The following LTBR variants were observed in gnomAD, a reference collection of about 807,000 sequenced individuals.
LTBR encodes the protein lymphotoxin beta receptor.
LTBR carries 15 observed loss-of-function variants against 45.4 expected under a neutral mutation model. That is an observed-to-expected ratio of 0.33 (90% CI 0.22 to 0.51). LTBR has a LOEUF of 0.51. LTBR is among the 20% of genes least tolerant of loss of function. The probability of loss-of-function intolerance (pLI) is 0.97; values close to 1 mark genes in which losing one functional copy is unlikely to be tolerated. For missense variants in LTBR, 450 were observed against 565.5 expected, an observed-to-expected ratio of 0.80 and a Z score of 2.07; for synonymous variants, 228 against 231.0, an observed-to-expected ratio of 0.99 and a Z score of 0.12.
chr12:6,384,804 G>C (rs1421612808), intron 2 of LTBR, 120 bp downstream of exon 2: 10 of 1,099,490 alleles, frequency 9.1e-6, no homozygotes, highest in Non-Finnish European at 1.3e-5. Context: ...TGCTGGAGAC[G>C]AGCGTGGGAA....
Position 6,390,096 on chromosome 12 carries a change from C to T in LTBR, c.802-16C>T. 1 of 1,581,474 alleles carries T rather than the reference C, an allele frequency of 6.3e-7. No individual in the cohort carries two copies. Among genetic ancestry groups the T allele is most frequent in the Non-Finnish European group, 8.7e-7 (1 of 1,150,584 alleles). ...GGGCCCTCATCATTGTTTGGGTCTCCATCTCTTTCCTGCAGGGAGAGGGAC... is the reference window on the plus strand; with the variant it reads ...GGGCCCTCATCATTGTTTGGGTCTCTATCTCTTTCCTGCAGGGAGAGGGAC... On this transcript the variant is annotated splice_polypyrimidine_tract_variant and intron_variant, in intron 8 of 9. Coordinates refer to ENST00000228918, the MANE Select transcript of LTBR (RefSeq NM_002342.3).
chr12:6,379,226 G>A (rs573877789), upstream of LTBR, among the ~76,000 whole-genome samples: 25 of 152,208 alleles, frequency 1.6e-4, no homozygotes, highest in South Asian at 4.8e-3. Context: ...AGTGTCTAGC[G>A]GTCACTGTTT....
Position 6,388,582 on chromosome 12 carries a change from C to A in LTBR, c.775+77C>A. The A allele has an allele frequency of 7.8e-7, 1 of 1,278,384 alleles. No individual in the cohort carries two copies. Among genetic ancestry groups the A allele is most frequent in the Non-Finnish European group, 1.1e-6 (1 of 880,764 alleles). The allele number at this position is 1,278,384 out of a possible 1,614,324, so 79.2% of individuals were successfully genotyped here. On this transcript the variant is annotated intron_variant, in intron 7 of 9. Coordinates refer to ENST00000228918, the MANE Select transcript of LTBR (RefSeq NM_002342.3). The surrounding 1 kb of genome is among the most constrained non-coding windows in gnomAD (Gnocchi z 4.3). ...GAATATTCAACTTCCCCGGTGCAAC[C>A]CTCCACACCCTCAAGACTCCCAATG...
chr12:6,375,826 G>A (rs1023624342), intron 1 of LTBR: 3 of 1,355,760 alleles, frequency 2.2e-6, no homozygotes, highest in Non-Finnish European at 2.8e-6. Context: ...GGCAACACAA[G>A]GAGAAGGGGC....
At chr12:6,383,656 T>TG (rs1949005351), upstream of LTBR, among the ~76,000 whole-genome samples, 1 of 152,108 alleles carries the variant, frequency 6.6e-6, no homozygotes. Flanking sequence ...GTTGGTAGCG[T>TG]GGGGGGCTGG....
chr12:6,375,376 C>T, upstream of LTBR: 1 of 1,471,318 alleles, frequency 6.8e-7, no homozygotes, highest in Non-Finnish European at 9.0e-7. Context: ...CTGATTCTGT[C>T]TCTGCCCCAG....
intron 1 of LTBR, chr12:6,376,290 G>A (rs1346964034): frequency 1.8e-6 from 1 of 563,594 alleles, no homozygotes; most frequent in African/African-American, 2.0e-5. Flanking sequence ...GAGGGGCCCA[G>A]GTGAAGCTGG....
chr12:6,389,111 T>C (rs931484036), intron 8 of LTBR: 33 of 341,212 alleles, frequency 9.7e-5, no homozygotes, highest in Middle Eastern at 9.2e-4. Context: ...AAGGGGTCAA[T>C]GAGTGACAGT....
rs928232620 is a variant in LTBR at position 6,385,702 on chromosome 12, C to A, written c.472+323C>A. The A allele has an allele frequency of 7.7e-6, 3 of 387,690 alleles. No individual in the cohort carries two copies. The Admixed American group carries it at 1.2e-4, about 16-fold the overall frequency. The allele number at this position is 387,690 out of a possible 1,614,324, so 24.0% of individuals were successfully genotyped here. A position where few individuals can be genotyped will look rare whatever the true frequency, so the allele number is the denominator to read the frequency against. ...TGGGCGGATCACGAGGTCAGGAGAT[C>A]GAGACCATCCTGGCTAACACAGTGA... On this transcript the variant is annotated intron_variant, in intron 4 of 9. Transcript: ENST00000228918.
At chr12:6,380,306 G>A (rs1592095050), upstream of LTBR, among the ~76,000 whole-genome samples, 1 of 152,240 alleles carries the variant, frequency 6.6e-6, no homozygotes, top group Admixed American at 6.5e-5. Context: ...GCACTTCTGG[G>A]TGTTTGCCAG....
At chr12:6,389,005 A>G in intron 8 of LTBR, 180 bp downstream of exon 8, 1 of 638,936 alleles carries the variant, frequency 1.6e-6, no homozygotes. Flanking sequence ...AGCAGTGAGC[A>G]AAACACAGTA....
At chr12:6,384,040 C>T (rs1321871359), upstream of LTBR, 2 of 1,194,050 alleles carry the variant, frequency 1.7e-6, no homozygotes, top group East Asian at 3.5e-5. Context: ...CGTGCTTTCC[C>T]GGCCGCCCCT....
chr12:6,378,892 C>T (rs1226274693), intron 1 of LTBR, among the ~76,000 whole-genome samples: 1 of 152,060 alleles, frequency 6.6e-6, no homozygotes, highest in Non-Finnish European at 1.5e-5. Flanking sequence ...CCAACACCAG[C>T]TATCCTCTAA....
intron 9 of LTBR, 95 bp from the exon 10 acceptor site, chr12:6,390,565 G>C: frequency 7.7e-7 from 1 of 1,304,788 alleles, no homozygotes; most frequent in Non-Finnish European, 1.0e-6. Context: ...GAGGGGCGGG[G>C]CCAGGGGAAA....
Position 6,386,770 on chromosome 12 carries a change from T to G in LTBR, c.667+326T>G. The stretch of plus-strand genomic sequence containing the variant: ...CGTTTTTTTTTTTCACACAATCCAT[T>G]AACTAGACCAAACACCTCTTTATTA... On this transcript the variant is annotated intron_variant, in intron 6 of 9. Transcript: ENST00000228918. The surrounding 1 kb of genome is among the most constrained non-coding windows in gnomAD (Gnocchi z 4.1). 3.8e-6 allele frequency: 1 copy of G among 263,532 alleles called. No individual in the cohort carries two copies. Among genetic ancestry groups the G allele is most frequent in the Non-Finnish European group, 7.2e-6 (1 of 138,476 alleles). 16.3% of individuals were successfully genotyped at this position (263,532 alleles called of 1,614,324 possible). A position where few individuals can be genotyped will look rare whatever the true frequency, so the allele number is the denominator to read the frequency against.
At chr12:6,382,769 C>T (rs1276531570), upstream of LTBR, among the ~76,000 whole-genome samples, 1 of 152,282 alleles carries the variant, frequency 6.6e-6, no homozygotes, top group East Asian at 1.9e-4. Context: ...GTTAGACAGA[C>T]CAGTGTAAGG....
rs201426921 is a variant in LTBR, at chr12:6,385,003, T to A, written c.194-19T>A. On this transcript the variant is annotated intron_variant, in intron 2 of 9. Coordinates refer to ENST00000228918, the MANE Select transcript of LTBR (RefSeq NM_002342.3). ...GGAGCCTCGTCTCCTGAGGCTCTAC[T>A]GCTCCACTCACGTTCTAGGCACCTA... The A allele has an allele frequency of 3.0e-4, 484 of 1,614,134 alleles. 2 individuals are homozygous for A. Among genetic ancestry groups the A allele is most frequent in the Middle Eastern group, 5.0e-4 (3 of 6,038 alleles).
chr12:6,377,216 G>A, intron 1 of LTBR: 7 of 1,536,090 alleles, frequency 4.6e-6, no homozygotes, highest in Non-Finnish European at 6.2e-6. Context: ...GAAAGCCGGT[G>A]TCAACCAGGA....
upstream of LTBR, among the ~76,000 whole-genome samples, chr12:6,381,784 T>C (rs1948987446): frequency 1.3e-5 from 2 of 152,036 alleles, no homozygotes; most frequent in Non-Finnish European, 1.5e-5. Flanking sequence ...ACCAGCCTGG[T>C]CAACATGGCG....
Sources: gnomAD v4.1 joint callset for allele counts (sites outside exome capture counted in the v4.1 genomes callset) on GRCh38, gnomAD v4.1.1 for gene constraint, Gnocchi (gnomAD v3.1) non-coding constraint, MANE v1.5 for transcripts, NCBI Gene and HGNC (gene_info 2026-07-23, HGNC 2026-07-21) for gene names.